SRPK2: variants seen among roughly 807,000 people sequenced by gnomAD.
SRPK2 encodes SFRS protein kinase 2.
In SRPK2, 21 loss-of-function variants were observed where a neutral mutation model predicts 90.8. That is an observed-to-expected ratio of 0.23 (90% CI 0.16 to 0.33). SRPK2 has a LOEUF of 0.33. Among genes scored for constraint, SRPK2 ranks in the 10% least tolerant of loss-of-function variants. The probability of loss-of-function intolerance (pLI) is 1.00; values close to 1 mark genes in which losing one functional copy is unlikely to be tolerated. For synonymous variants in SRPK2, 288 were observed against 311.1 expected (o/e 0.93, Z 0.78); for missense variants, 620 against 869.0 (o/e 0.71, Z 3.60).
chr7:105,155,564 A>T (rs1293878176), intron 7 of SRPK2, among the ~76,000 whole-genome samples: 1 of 152,186 alleles, frequency 6.6e-6, no homozygotes, highest in Non-Finnish European at 1.5e-5. Context: ...TGAGGGGTAG[A>T]TGCCAGGGAC....
At chr7:105,269,712 G>T (rs1214351873) in intron 2 of SRPK2, among the ~76,000 whole-genome samples, 1 of 152,178 alleles carries the variant, frequency 6.6e-6, no homozygotes. Flanking sequence ...AGAGGGAAAA[G>T]ATAAGGAGAC....
intron 2 of SRPK2, among the ~76,000 whole-genome samples, chr7:105,375,511 T>C (rs564446539): frequency 6.6e-6 from 1 of 152,092 alleles, no homozygotes; most frequent in East Asian, 1.9e-4. Flanking sequence ...GCAATACCCA[T>C]CTCTATTTTA....
chr7:105,330,807 C>T (rs931000881), intron 2 of SRPK2, among the ~76,000 whole-genome samples: 7 of 151,948 alleles, frequency 4.6e-5, no homozygotes, highest in African/African-American at 1.5e-4. Flanking sequence ...CAGTGAGACA[C>T]CTGTCTCTAT....
intron 2 of SRPK2, among the ~76,000 whole-genome samples, chr7:105,319,941 C>A (rs951665149): frequency 6.6e-6 from 1 of 150,878 alleles, no homozygotes; most frequent in Non-Finnish European, 1.5e-5. Flanking sequence ...ATTCTTGGGG[C>A]TGCCCGACTC....
Position 105,172,051 on chromosome 7 carries a change from A to C in SRPK2, c.230-2786T>G, listed in dbSNP as rs144315185. On this transcript the variant is annotated intron_variant, in intron 3 of 15. Transcript: ENST00000393651. Reference sequence around the variant, plus strand: ...TGGGATTACAGGCTTGCACCACCACACCTGGCTAATTTTTGCGTTTTTAGT... The same window carrying C: ...TGGGATTACAGGCTTGCACCACCACCCCTGGCTAATTTTTGCGTTTTTAGT... Among the ~76,000 whole-genome samples the C allele has an allele frequency of 7.1e-3, 1,079 of 151,924 alleles. 5 individuals carry two copies. Among genetic ancestry groups the C allele is most frequent in the Non-Finnish European group, 0.012 (819 of 67,926 alleles).
At chr7:105,192,339 A>G (rs1047669865) in intron 3 of SRPK2, among the ~76,000 whole-genome samples, 4 of 152,174 alleles carry the variant, frequency 2.6e-5, no homozygotes, top group Admixed American at 2.0e-4. Flanking sequence ...AGTTACTTCA[A>G]TTAGAATAAT....
chr7:105,347,979 CT>C (rs1816669561), intron 2 of SRPK2, among the ~76,000 whole-genome samples: 1 of 151,476 alleles, frequency 6.6e-6, no homozygotes, highest in Non-Finnish European at 1.5e-5. Context: ...TGCACATTTC[CT>C]TGAAAACAGA....
chr7:105,244,437 C>A (rs1017388462), intron 2 of SRPK2, among the ~76,000 whole-genome samples: 4 of 152,130 alleles, frequency 2.6e-5, no homozygotes, highest in African/African-American at 9.7e-5. Flanking sequence ...GCACATGGTA[C>A]CAGGCGCGCG....
chr7:105,294,004 A>C (rs1258246655), intron 2 of SRPK2, among the ~76,000 whole-genome samples: 3 of 152,190 alleles, frequency 2.0e-5, no homozygotes, highest in African/African-American at 7.2e-5. Context: ...CACCGGGGTC[A>C]GGGGGCACAC....
At chr7:105,380,080 G>T in intron 2 of SRPK2, among the ~76,000 whole-genome samples, 1 of 152,230 alleles carries the variant, frequency 6.6e-6, no homozygotes, top group East Asian at 1.9e-4. Flanking sequence ...GGGTGAAAGC[G>T]GCCTAGGCAA....
intron 2 of SRPK2, among the ~76,000 whole-genome samples, chr7:105,215,585 A>G (rs1797363321): frequency 6.6e-6 from 1 of 152,200 alleles, no homozygotes; most frequent in Admixed American, 6.5e-5. Flanking sequence ...CCACCCAAAC[A>G]TCCACTAACT....
intron 2 of SRPK2, among the ~76,000 whole-genome samples, chr7:105,273,075 C>T (rs534110426): frequency 2.0e-5 from 3 of 152,054 alleles, no homozygotes; most frequent in African/African-American, 7.2e-5. Flanking sequence ...ATTAGCCAGG[C>T]GTGGTGGCAG....
At chr7:105,391,710 G>A (rs1448788191), upstream of SRPK2, among the ~76,000 whole-genome samples, 2 of 152,108 alleles carry the variant, frequency 1.3e-5, no homozygotes, top group Admixed American at 6.6e-5. Flanking sequence ...AGTGTTGGTG[G>A]GGATTTTGGA....
At chr7:105,371,454 C>T (rs912243966) in intron 2 of SRPK2, among the ~76,000 whole-genome samples, 2 of 145,914 alleles carry the variant, frequency 1.4e-5, no homozygotes, top group Admixed American at 1.4e-4. Context: ...TATATGAATT[C>T]AAGAAATACT....
At chr7:105,243,677 G>A (rs76174177) in intron 2 of SRPK2, among the ~76,000 whole-genome samples, 4,882 of 145,310 alleles carry the variant, frequency 0.034, 295 homozygotes, top group African/African-American at 0.12. Flanking sequence ...CTCAAATAAC[G>A]AACGGTAAAT....
chr7:105,193,190 C>T (rs555781457), intron 3 of SRPK2, among the ~76,000 whole-genome samples: 2 of 152,236 alleles, frequency 1.3e-5, no homozygotes, highest in African/African-American at 4.8e-5. Flanking sequence ...GATTTAAGTC[C>T]TTGATCCATC....
intron 2 of SRPK2, among the ~76,000 whole-genome samples, chr7:105,336,357 G>A (rs549458727): frequency 1.3e-5 from 2 of 152,254 alleles, no homozygotes; most frequent in East Asian, 3.9e-4. Flanking sequence ...TTTCTTTAGT[G>A]TGTTGGGACT....
intron 2 of SRPK2, among the ~76,000 whole-genome samples, chr7:105,217,876 A>T (rs1472573631): frequency 6.6e-6 from 1 of 152,246 alleles, no homozygotes; most frequent in Non-Finnish European, 1.5e-5. Flanking sequence ...GGCATATTCA[A>T]TGTATCCAAT....
At chr7:105,327,912 T>C (rs1311126231) in intron 2 of SRPK2, among the ~76,000 whole-genome samples, 1 of 152,218 alleles carries the variant, frequency 6.6e-6, no homozygotes, top group Non-Finnish European at 1.5e-5. Flanking sequence ...GCCATTCTCC[T>C]GCCTCAGCCT....
Sources: allele counts gnomAD v4.1 joint callset (sites outside exome capture counted in the v4.1 genomes callset), GRCh38; gene constraint gnomAD v4.1.1; transcripts MANE v1.5; gene names NCBI Gene and HGNC (gene_info 2026-07-23, HGNC 2026-07-21).